Variants in NYAP2 observed in about 807,000 individuals in gnomAD.
NYAP2 encodes the protein neuronal tyrosine-phosphorylated phosphoinositide-3-kinase adaptor 2.
In NYAP2, 23 loss-of-function variants were observed where a neutral mutation model predicts 50.4. That is an observed-to-expected ratio of 0.46 (90% confidence interval 0.33 to 0.65). The LOEUF (loss-of-function observed/expected upper bound fraction) is 0.65, where lower values mean the gene tolerates loss of function less well. NYAP2 is among the 30% of genes least tolerant of loss of function. The pLI, the probability that NYAP2 is intolerant of heterozygous loss-of-function variation, is 0.02. For synonymous variants in NYAP2, 394 were observed against 365.2 expected (o/e 1.08, Z -0.90); for missense variants, 885 against 861.0 (o/e 1.03, Z -0.35).
intron 4 of NYAP2, among the ~76,000 whole-genome samples, chr2:225,547,559 G>C (rs1432069291): frequency 6.6e-6 from 1 of 152,192 alleles, no homozygotes; most frequent in Non-Finnish European, 1.5e-5. Context: ...CATCAGCCGA[G>C]TTTAGCCTGG....
chr2:225,622,955 G>A (rs112156668), intron 5 of NYAP2, among the ~76,000 whole-genome samples: 14 of 152,108 alleles, frequency 9.2e-5, no homozygotes, highest in African/African-American at 3.4e-4. Flanking sequence ...AAATACTTAG[G>A]TCCTCCAAAT....
chr2:225,620,643 T>C (rs1693083047), intron 5 of NYAP2, among the ~76,000 whole-genome samples: 1 of 152,252 alleles, frequency 6.6e-6, no homozygotes, highest in Non-Finnish European at 1.5e-5. Flanking sequence ...AGTAGTACCA[T>C]TTCTTTAATC....
chr2:225,526,783 A>G (rs1055643172), intron 4 of NYAP2, among the ~76,000 whole-genome samples: 5 of 152,194 alleles, frequency 3.3e-5, no homozygotes, highest in Admixed American at 3.3e-4. Context: ...CAAAATCTCC[A>G]TTGTTTTTTG....
chr2:225,528,455 C>T (rs1691194768), intron 4 of NYAP2, among the ~76,000 whole-genome samples: 1 of 152,154 alleles, frequency 6.6e-6, no homozygotes, highest in Non-Finnish European at 1.5e-5. Flanking sequence ...ATCTCATTTC[C>T]TTTGGCTTCA....
intron 3 of NYAP2, among the ~76,000 whole-genome samples, chr2:225,493,105 C>T (rs765621217): frequency 6.6e-6 from 1 of 151,944 alleles, no homozygotes; most frequent in Non-Finnish European, 1.5e-5. Flanking sequence ...CTGCCACAGC[C>T]CCAACAAATA....
intron 4 of NYAP2, among the ~76,000 whole-genome samples, chr2:225,519,958 G>T (rs1435663398): frequency 6.6e-6 from 1 of 152,044 alleles, no homozygotes; most frequent in Non-Finnish European, 1.5e-5. Context: ...TTTAATGATT[G>T]CCATTCTAAC....
chr2:225,680,925 A>G, the NYAP2 span, among the ~76,000 whole-genome samples: 6 of 152,182 alleles, frequency 3.9e-5, no homozygotes, highest in African/African-American at 1.4e-4. Context: ...ATTTCACCCC[A>G]GATCTGGCTA....
downstream of NYAP2, among the ~76,000 whole-genome samples, chr2:225,655,025 C>T (rs1488419391): frequency 6.6e-6 from 1 of 152,192 alleles, no homozygotes; most frequent in Non-Finnish European, 1.5e-5. Flanking sequence ...GACTGGTCCC[C>T]ATTCCCCATG....
chr2:225,625,285 C>G lies in NYAP2; in HGVS notation c.1619-1632C>G, dbSNP rs186867014. 4.3e-3 allele frequency among the ~76,000 whole-genome samples: 647 copies of G among 152,126 alleles called. 3 individuals carry two copies. The highest frequency in any genetic ancestry group is 7.4e-3 in the Non-Finnish European group (500 of 68,016). On this transcript the variant is annotated intron_variant, in intron 5 of 6. Coordinates refer to ENST00000636099, the Ensembl canonical transcript of NYAP2. ...ATAGATTAGAATGATGTGTGAAGAA[C>G]TGAGAAATCTGCAATATAAATAAAT...
At chr2:225,431,833 G>A (rs1349895994) in intron 3 of NYAP2, among the ~76,000 whole-genome samples, 2 of 152,208 alleles carry the variant, frequency 1.3e-5, no homozygotes, top group Non-Finnish European at 1.5e-5. Context: ...AACATGGGAA[G>A]GGTTGACCAA....
chr2:225,433,524 T>C (rs1215849723), intron 3 of NYAP2, among the ~76,000 whole-genome samples: 1 of 152,160 alleles, frequency 6.6e-6, no homozygotes, highest in Non-Finnish European at 1.5e-5. Flanking sequence ...AAAAAAAATT[T>C]AAAATATATA....
At chr2:225,530,173 T>C (rs10804326) in intron 4 of NYAP2, among the ~76,000 whole-genome samples, 51,930 of 152,080 alleles carry the variant, frequency 0.34, 9,061 homozygotes, top group South Asian at 0.48. Flanking sequence ...GATTTAATAG[T>C]AATGGAAAGA....
At chr2:225,414,558 C>T (rs900431555) in intron 3 of NYAP2, among the ~76,000 whole-genome samples, 5 of 152,124 alleles carry the variant, frequency 3.3e-5, no homozygotes, top group East Asian at 3.9e-4. Flanking sequence ...GAAGGATAGT[C>T]GTGTATTGAA....
chr2:225,473,003 C>A (rs2106160188), intron 3 of NYAP2, among the ~76,000 whole-genome samples: 1 of 152,278 alleles, frequency 6.6e-6, no homozygotes, highest in East Asian at 1.9e-4. Flanking sequence ...GTTCCCCTTC[C>A]TGTGTCCAAG....
intron 3 of NYAP2, among the ~76,000 whole-genome samples, chr2:225,447,223 A>G (rs570330677): frequency 6.6e-6 from 1 of 152,304 alleles, no homozygotes; most frequent in Admixed American, 6.5e-5. Flanking sequence ...GATACTTCCT[A>G]GTGGAGCTGT....
intron 3 of NYAP2, 91 bp downstream of exon 3, chr2:225,409,192 A>T: frequency 1.1e-6 from 1 of 937,280 alleles, no homozygotes. Flanking sequence ...TGGTCAGAAA[A>T]GGTCTTCCAG....
intron 3 of NYAP2, among the ~76,000 whole-genome samples, chr2:225,438,027 T>C (rs961606245): frequency 2.6e-5 from 4 of 152,192 alleles, no homozygotes; most frequent in Non-Finnish European, 5.9e-5. Flanking sequence ...CTCTCTGAAC[T>C]AGTATAACAT....
intron 4 of NYAP2, among the ~76,000 whole-genome samples, chr2:225,514,988 T>C (rs1690901855): frequency 1.3e-5 from 2 of 152,186 alleles, no homozygotes; most frequent in Admixed American, 6.5e-5. Flanking sequence ...CAGATTCTCA[T>C]AGGCAGTCCA....
intron 5 of NYAP2, among the ~76,000 whole-genome samples, chr2:225,605,696 T>A (rs937705330): frequency 6.6e-6 from 1 of 152,072 alleles, no homozygotes; most frequent in African/African-American, 2.4e-5. Flanking sequence ...ATGGCAATCA[T>A]CTTCAAACTT....
Sources: allele counts gnomAD v4.1 joint callset (sites outside exome capture counted in the v4.1 genomes callset), GRCh38; gene constraint gnomAD v4.1.1; transcripts MANE v1.5; gene names NCBI Gene and HGNC (gene_info 2026-07-23, HGNC 2026-07-21).